The following TTC28 variants were observed in gnomAD, a reference collection of about 807,000 sequenced individuals.
TTC28 encodes tetratricopeptide repeat protein 28.
Under a neutral mutation model 198.0 loss-of-function variants are expected in TTC28, and 61 were observed. The observed-to-expected ratio is 0.31, with a 90% CI of 0.25 to 0.38. The LOEUF is 0.38. Ranked by LOEUF, TTC28 falls within the 10% of genes least tolerant of loss-of-function variation. The pLI is 1.00. For missense variants in TTC28, 2,678 were observed against 3,164.0 expected (o/e 0.85, Z 3.69); for synonymous variants, 1,171 against 1,297.8 (o/e 0.90, Z 2.10).
intron 5 of TTC28, among the ~76,000 whole-genome samples, chr22:28,179,160 G>T (rs990979398): frequency 5.5e-5 from 8 of 145,710 alleles, no homozygotes; most frequent in African/African-American, 7.9e-5. Context: ...TTGTTTTTTT[G>T]TTTTGTTTTT....
At chr22:28,577,297 T>C (rs1393719669) in intron 2 of TTC28, among the ~76,000 whole-genome samples, 1 of 152,162 alleles carries the variant, frequency 6.6e-6, no homozygotes, top group Non-Finnish European at 1.5e-5. Flanking sequence ...TCCTCACTAT[T>C]GATTTCCAGT....
At chr22:28,368,149 A>C (rs1460308843) in intron 2 of TTC28, among the ~76,000 whole-genome samples, 1 of 152,122 alleles carries the variant, frequency 6.6e-6, no homozygotes, top group Non-Finnish European at 1.5e-5. Context: ...TGATGCAAAA[A>C]GCCTCAACAA....
intron 13 of TTC28, among the ~76,000 whole-genome samples, chr22:28,019,537 A>G (rs1938508159): frequency 6.6e-6 from 1 of 152,160 alleles, no homozygotes; most frequent in South Asian, 2.1e-4. Context: ...CCAGGCTCTG[A>G]GCCCCAGGCG....
chr22:28,058,045 T>C (rs957973785), intron 12 of TTC28, among the ~76,000 whole-genome samples: 1 of 152,062 alleles, frequency 6.6e-6, no homozygotes, highest in Non-Finnish European at 1.5e-5. Flanking sequence ...CACCTTTTTT[T>C]CCCCCAGATT....
At chr22:28,422,596 G>T (rs1447309155) in intron 2 of TTC28, among the ~76,000 whole-genome samples, 2 of 151,688 alleles carry the variant, frequency 1.3e-5, no homozygotes, top group South Asian at 4.2e-4. Context: ...CCGCCACCAC[G>T]CCTGGCTAAT....
chr22:28,472,552 ATGTGTGTGTGTGTGTGTGTG>A (rs3053555), intron 2 of TTC28, among the ~76,000 whole-genome samples: 1 of 114,836 alleles, frequency 8.7e-6, no homozygotes, highest in Middle Eastern at 4.7e-3. Context: ...GAAAATGTGT[ATGTGTGTGTGTGTGTGTGTG>A]TGTGTGTGTG....
At position 28,297,620 on chromosome 22, in the gene TTC28, G is replaced by A. The variant is rs559007072; in HGVS notation, c.762C>T (p.Thr254=). The part of the protein sequence containing the change: ...YWSLGNTEKS[T]GYMQQDLDVA... ...CATCCAAGTCCTGCTGCATATATCC[G>A]GTGCTCTTCTCTGTATTTCCAAGAG... The change falls in exon 4 of 23, where the codon ACC becomes ACT. Residue 254 remains threonine, a synonymous_variant. Transcript: ENST00000397906. 1.4e-5 allele frequency: 21 copies of A among 1,551,566 alleles called. No homozygotes were observed. In the Admixed American group the frequency reaches 1.6e-4, roughly 12 times the overall value.
chr22:28,392,870 CTTTTTTT>C (rs1245558034), intron 2 of TTC28, among the ~76,000 whole-genome samples: 1 of 80,678 alleles, frequency 1.2e-5, no homozygotes, highest in Non-Finnish European at 2.2e-5. Context: ...TTCCTCCCTC[CTTTTTTT>C]TTTTTTTTTT....
intron 2 of TTC28, among the ~76,000 whole-genome samples, chr22:28,530,725 A>G (rs556893166): frequency 7.9e-5 from 12 of 152,378 alleles, no homozygotes; most frequent in Non-Finnish European, 1.3e-4. Flanking sequence ...CAGAAACTCT[A>G]CAAGCCAGAA....
intron 13 of TTC28, chr22:28,028,707 C>T (rs1272084148): frequency 4.0e-6 from 1 of 251,668 alleles, no homozygotes; most frequent in African/African-American, 2.3e-5. Flanking sequence ...CAAAGTTTCT[C>T]CACCCATGTT....
chr22:28,393,588 G>A (rs969406740), intron 2 of TTC28, among the ~76,000 whole-genome samples: 1 of 152,096 alleles, frequency 6.6e-6, no homozygotes, highest in African/African-American at 2.4e-5. Context: ...CAGCTACTAG[G>A]GAGGCTGAGA....
chr22:28,345,009 A>C (rs888277212), intron 2 of TTC28, among the ~76,000 whole-genome samples: 1 of 152,204 alleles, frequency 6.6e-6, no homozygotes, highest in Admixed American at 6.5e-5. Context: ...GTCACATCAC[A>C]CACATTTCTT....
intron 2 of TTC28, among the ~76,000 whole-genome samples, chr22:28,533,138 G>C (rs1424569765): frequency 6.6e-6 from 1 of 152,126 alleles, no homozygotes; most frequent in Non-Finnish European, 1.5e-5. Flanking sequence ...TAGATGACAT[G>C]GTTGTATATC....
At chr22:28,450,052 GAAGTT>G (rs1034542460) in intron 2 of TTC28, among the ~76,000 whole-genome samples, 63 of 152,162 alleles carry the variant, frequency 4.1e-4, no homozygotes, top group African/African-American at 1.4e-3. Flanking sequence ...ACAGGGATGT[GAAGTT>G]AAGTAGGTGG....
chr22:27,991,156 T>C (rs1380566537), intron 19 of TTC28, among the ~76,000 whole-genome samples: 1 of 152,038 alleles, frequency 6.6e-6, no homozygotes, highest in Non-Finnish European at 1.5e-5. Context: ...CCAGGAAAGG[T>C]CCACCAGCTG....
chr22:28,604,297 T>TACATATATATATA (rs1053139903), intron 2 of TTC28, among the ~76,000 whole-genome samples: 6 of 114,132 alleles, frequency 5.3e-5, no homozygotes, highest in African/African-American at 2.1e-4. Context: ...AAAAAAAAAA[T>TACATATATATATA]TATATATATA....
At chr22:28,304,958 AGTTT>A (rs66607234) in intron 3 of TTC28, among the ~76,000 whole-genome samples, 3,718 of 145,290 alleles carry the variant, frequency 0.026, 72 homozygotes, top group Non-Finnish European at 0.04. Flanking sequence ...TGTAAGTCAG[AGTTT>A]GTTTATTTAT....
intron 5 of TTC28, among the ~76,000 whole-genome samples, chr22:28,223,343 C>G (rs1291730780): frequency 6.6e-6 from 1 of 152,170 alleles, no homozygotes; most frequent in Non-Finnish European, 1.5e-5. Flanking sequence ...TTGGGTGAAG[C>G]CAGCAAAGTC....
intron 2 of TTC28, among the ~76,000 whole-genome samples, chr22:28,602,548 C>T (rs569278186): frequency 6.6e-6 from 1 of 151,986 alleles, no homozygotes; most frequent in African/African-American, 2.4e-5. Context: ...CAGAAAATAA[C>T]AGTAATAATA....
Sources: gnomAD v4.1 joint callset for allele counts (sites outside exome capture counted in the v4.1 genomes callset) on GRCh38, gnomAD v4.1.1 for gene constraint, MANE v1.5 for transcripts, NCBI Gene and HGNC (gene_info 2026-07-23, HGNC 2026-07-21) for gene names.